The following PPP2R2B variants were observed in gnomAD, a reference collection of about 807,000 sequenced individuals.
PPP2R2B encodes the protein protein phosphatase 2 regulatory subunit Bbeta, also known as serine/threonine-protein phosphatase 2A 55 kDa regulatory subunit B beta isoform.
PPP2R2B carries 5 observed loss-of-function variants against 46.0 expected under a neutral mutation model. The ratio of observed to expected loss-of-function variants is 0.11; its 90% CI spans 0.06 to 0.23. The LOEUF (loss-of-function observed/expected upper bound fraction) is 0.23. Among genes scored for constraint, PPP2R2B ranks in the 10% least tolerant of loss-of-function variants. The pLI is 1.00. For synonymous variants in PPP2R2B, 215 were observed against 206.7 expected (o/e 1.04, Z -0.34); for missense variants, 367 against 575.0 (o/e 0.64, Z 3.70).
chr5:146,607,377 G>A (rs1481102209), intron 7 of PPP2R2B, among the ~76,000 whole-genome samples: 2 of 152,172 alleles, frequency 1.3e-5, no homozygotes, highest in Non-Finnish European at 2.9e-5. Flanking sequence ...ATCGTATTAA[G>A]ACTCAGATGA....
intron 1 of PPP2R2B, among the ~76,000 whole-genome samples, chr5:146,971,019 T>C (rs1752639670): frequency 6.6e-6 from 1 of 152,208 alleles, no homozygotes; most frequent in African/African-American, 2.4e-5. Flanking sequence ...TCAAAGTCTA[T>C]TTTAAAATTA....
chr5:146,639,284 A>G (rs1775037989), intron 6 of PPP2R2B, among the ~76,000 whole-genome samples: 1 of 152,176 alleles, frequency 6.6e-6, no homozygotes, highest in Admixed American at 6.5e-5. Context: ...CCAGTTGGAA[A>G]GTTTTAGGGT....
chr5:147,066,158 T>C (rs1397818677), intron 2 of PPP2R2B, among the ~76,000 whole-genome samples: 1 of 152,206 alleles, frequency 6.6e-6, no homozygotes, highest in African/African-American at 2.4e-5. Flanking sequence ...TGACTAATGA[T>C]AGTTTTGGAG....
intron 2 of PPP2R2B, among the ~76,000 whole-genome samples, chr5:146,849,639 G>A (rs116528133): frequency 6.6e-6 from 1 of 152,256 alleles, no homozygotes; most frequent in African/African-American, 2.4e-5. Context: ...ACAAGAGGGT[G>A]CACTAACAAA....
intron 1 of PPP2R2B, among the ~76,000 whole-genome samples, chr5:146,950,036 G>A (rs1019269773): frequency 3.9e-5 from 6 of 151,936 alleles, no homozygotes; most frequent in African/African-American, 1.4e-4. Context: ...AAATAAGTAA[G>A]AGCCAGTATT....
intron 2 of PPP2R2B, among the ~76,000 whole-genome samples, chr5:146,759,242 T>C (rs1004848316): frequency 2.6e-5 from 4 of 152,178 alleles, no homozygotes; most frequent in Non-Finnish European, 4.4e-5. Context: ...ACTAATAATA[T>C]TGCTTCTTAG....
chr5:146,970,681 A>G (rs1752625458), intron 1 of PPP2R2B, among the ~76,000 whole-genome samples: 1 of 152,150 alleles, frequency 6.6e-6, no homozygotes. Flanking sequence ...AGGAAGAGGA[A>G]TTTACAAAGG....
intron 7 of PPP2R2B, among the ~76,000 whole-genome samples, chr5:146,623,117 A>T (rs980976940): frequency 6.6e-6 from 1 of 152,362 alleles, no homozygotes; most frequent in Non-Finnish European, 1.5e-5. Flanking sequence ...GGCAAGCAAC[A>T]GTACGTTGGA....
At chr5:146,986,595 G>A (rs1753439474) in intron 1 of PPP2R2B, among the ~76,000 whole-genome samples, 1 of 152,058 alleles carries the variant, frequency 6.6e-6, no homozygotes, top group East Asian at 1.9e-4. Context: ...CAGAAATCCT[G>A]GAGTAAAAAA....
intron 2 of PPP2R2B, among the ~76,000 whole-genome samples, chr5:146,875,739 C>T (rs985390147): frequency 6.6e-6 from 1 of 152,178 alleles, no homozygotes; most frequent in East Asian, 1.9e-4. Context: ...GCTAATTCCC[C>T]ACCCAGTAAG....
chr5:146,996,171 G>A (rs1753914917), intron 1 of PPP2R2B, among the ~76,000 whole-genome samples: 1 of 152,160 alleles, frequency 6.6e-6, no homozygotes, highest in Non-Finnish European at 1.5e-5. Flanking sequence ...GCCTATGACA[G>A]ATTCACAGAT....
rs1411142870 is a variant in PPP2R2B at position 147,077,300 on chromosome 5, ACACACACACACC to A, written c.50+3747_50+3758del. Among the ~76,000 whole-genome samples, 527 of 148,640 alleles carry A rather than the reference ACACACACACACC, an allele frequency of 3.5e-3. 1 individual carries two copies. The highest frequency in any genetic ancestry group is 0.013 in the African/African-American group (502 of 39,868). On this transcript the variant is annotated intron_variant, in intron 2 of 10. Coordinates refer to the PPP2R2B transcript ENST00000394413. ...TACACACACACACACACACACACAC[ACACACACACACC>A]CACACCCACACCCCTAGCCCTTATA...
intron 2 of PPP2R2B, among the ~76,000 whole-genome samples, chr5:146,771,238 T>A (rs1327662338): frequency 6.6e-6 from 1 of 152,170 alleles, no homozygotes; most frequent in Non-Finnish European, 1.5e-5. Context: ...AGCAGTGAAA[T>A]ACCTCTTTGA....
intron 1 of PPP2R2B, among the ~76,000 whole-genome samples, chr5:146,902,978 C>T (rs2151436402): frequency 6.6e-6 from 1 of 152,266 alleles, no homozygotes; most frequent in African/African-American, 2.4e-5. Context: ...GCTTTTGTAA[C>T]TCTCATTCTC....
chr5:146,997,819 C>A (rs907269982), intron 1 of PPP2R2B, among the ~76,000 whole-genome samples: 5 of 152,040 alleles, frequency 3.3e-5, no homozygotes, highest in African/African-American at 1.2e-4. Flanking sequence ...TACCCAGAAG[C>A]CTTAGGTAAA....
At chr5:146,775,997 C>T (rs1441496295) in intron 2 of PPP2R2B, among the ~76,000 whole-genome samples, 1 of 152,056 alleles carries the variant, frequency 6.6e-6, no homozygotes, top group Admixed American at 6.6e-5. Context: ...AATGGAAACA[C>T]ATTCAGTGTT....
intron 7 of PPP2R2B, among the ~76,000 whole-genome samples, chr5:146,609,572 T>G (rs1772643147): frequency 6.6e-6 from 1 of 150,980 alleles, no homozygotes; most frequent in Non-Finnish European, 1.5e-5. Flanking sequence ...TGCATTTCCA[T>G]CTGAGGTACC....
At chr5:146,691,896 C>T (rs1427951478) in intron 4 of PPP2R2B, among the ~76,000 whole-genome samples, 1 of 152,200 alleles carries the variant, frequency 6.6e-6, no homozygotes, top group Non-Finnish European at 1.5e-5. Context: ...TGCTCCTTTA[C>T]TTTCCTCTTG....
chr5:146,889,886 A>G (rs1349095027), intron 1 of PPP2R2B, among the ~76,000 whole-genome samples: 2 of 152,222 alleles, frequency 1.3e-5, no homozygotes, highest in African/African-American at 4.8e-5. Context: ...ATAGCTAAAA[A>G]ATGGGCTTAG....
Sources: gnomAD v4.1 joint callset for allele counts (sites outside exome capture counted in the v4.1 genomes callset) on GRCh38, gnomAD v4.1.1 for gene constraint, MANE v1.5 for transcripts, NCBI Gene and HGNC (gene_info 2026-07-23, HGNC 2026-07-21) for gene names.